Variants in AGO2 observed in about 807,000 individuals in gnomAD.
AGO2 encodes argonaute RISC catalytic component 2.
Under a neutral mutation model 102.3 loss-of-function variants are expected in AGO2, and 5 were observed. That is an observed-to-expected ratio of 0.05 (90% CI 0.03 to 0.10). The LOEUF is 0.10. Among genes scored for constraint, AGO2 ranks in the 10% least tolerant of loss-of-function variants. AGO2 has a pLI of 1.00. For synonymous variants in AGO2, 449 were observed against 473.1 expected, an observed-to-expected ratio of 0.95 and a Z score of 0.66; for missense variants, 541 against 1,183.7, an observed-to-expected ratio of 0.46 and a Z score of 7.97.
chr8:140,607,378 A>G (rs543687775), intron 1 of AGO2, among the ~76,000 whole-genome samples: 111 of 150,360 alleles, frequency 7.4e-4, no homozygotes, highest in African/African-American at 2.6e-3. Flanking sequence ...GTGTGCTATG[A>G]CTGTACCTGT....
chr8:140,565,462 CCAAAAAACAAAAAA>C (rs953381801), intron 3 of AGO2, among the ~76,000 whole-genome samples: 22 of 136,744 alleles, frequency 1.6e-4, no homozygotes, highest in Admixed American at 1.6e-3. Context: ...AACCCAAAAA[CCAAAAAACAAAAAA>C]CAAAAAAATA....
intron 1 of AGO2, among the ~76,000 whole-genome samples, chr8:140,601,774 G>A (rs1243109986): frequency 2.6e-5 from 4 of 152,180 alleles, no homozygotes; most frequent in African/African-American, 9.7e-5. Context: ...TTATTATACT[G>A]TACTTTAAAA....
At chr8:140,639,614 TA>T (rs770478461), upstream of AGO2, among the ~76,000 whole-genome samples, 4 of 144,114 alleles carry the variant, frequency 2.8e-5, no homozygotes, top group African/African-American at 7.6e-5. Context: ...CGCTACAAAA[TA>T]AAAAAAAATT....
chr8:140,636,241 A>C (rs2074407762), upstream of AGO2: 1 of 152,272 alleles, frequency 6.6e-6, no homozygotes. Context: ...GCGGCCCCAG[A>C]ACCCAGATAA....
intron 1 of AGO2, among the ~76,000 whole-genome samples, chr8:140,632,095 G>T (rs929363581): frequency 2.6e-5 from 4 of 152,234 alleles, no homozygotes; most frequent in African/African-American, 7.2e-5. Context: ...AACACACAGA[G>T]AATAAGCCCA....
At chr8:140,584,289 C>T (rs1007839831) in intron 2 of AGO2, among the ~76,000 whole-genome samples, 2 of 152,074 alleles carry the variant, frequency 1.3e-5, no homozygotes, top group Non-Finnish European at 2.9e-5. Flanking sequence ...AATGAGAAAC[C>T]ACTACTCACC....
At chr8:140,595,530 T>A (rs1011881154) in intron 1 of AGO2, among the ~76,000 whole-genome samples, 2 of 147,988 alleles carry the variant, frequency 1.4e-5, no homozygotes, top group African/African-American at 2.5e-5. Flanking sequence ...AGTGGTGCGA[T>A]CATAGGGCTC....
At chr8:140,541,851 C>A (rs756231484) in intron 14 of AGO2, among the ~76,000 whole-genome samples, 9 of 151,642 alleles carry the variant, frequency 5.9e-5, no homozygotes, top group Non-Finnish European at 1.2e-4. Context: ...TACAGTGAGC[C>A]GAGATCACAC....
intron 1 of AGO2, among the ~76,000 whole-genome samples, chr8:140,601,210 C>G (rs918345526): frequency 3.3e-5 from 5 of 152,222 alleles, no homozygotes; most frequent in African/African-American, 1.2e-4. Context: ...TGCGCTCCTG[C>G]CCCAGGGCCT....
intron 1 of AGO2, 135 bp from the exon 2 acceptor site, chr8:140,585,446 A>G: frequency 2.1e-6 from 2 of 941,538 alleles, no homozygotes; most frequent in Non-Finnish European, 3.1e-6. Flanking sequence ...TGCATTCCAC[A>G]GAGGAGGCGT....
upstream of AGO2, among the ~76,000 whole-genome samples, chr8:140,640,341 T>C (rs1368168346): frequency 6.6e-6 from 1 of 151,994 alleles, no homozygotes; most frequent in African/African-American, 2.4e-5. Flanking sequence ...TTTTATTATT[T>C]TTTTTCTTTT....
intron 1 of AGO2, among the ~76,000 whole-genome samples, chr8:140,605,195 A>T (rs2073981511): frequency 6.6e-6 from 1 of 152,160 alleles, no homozygotes; most frequent in Admixed American, 6.5e-5. Context: ...CCCGGGCTCA[A>T]GCAATCTTCC....
intron 1 of AGO2, among the ~76,000 whole-genome samples, chr8:140,628,808 G>A (rs986944917): frequency 5.9e-5 from 9 of 151,666 alleles, no homozygotes; most frequent in Admixed American, 2.0e-4. Context: ...ATAATAGGCC[G>A]GGCGCGGTGG....
the AGO2 span, among the ~76,000 whole-genome samples, chr8:140,642,107 T>G: frequency 6.7e-6 from 1 of 149,848 alleles, no homozygotes; most frequent in Non-Finnish European, 1.5e-5. Flanking sequence ...GAAGAACAAA[T>G]GAAAATAAAG....
Position 140,540,899 on chromosome 8 carries a change from C to T in AGO2, c.2034+265G>A, listed in dbSNP as rs182443167. On this transcript the variant is annotated intron_variant, in intron 15 of 18. Transcript: ENST00000220592. This position sits in a 1 kb window ranked among gnomAD's most constrained non-coding sequence, Gnocchi z 5.0. ...GCTCTGCAAGTCAGCGGAACTCAAG[C>T]GTCTCTCCCCCATCTCTTGGTCCCC... 5.3e-5 allele frequency among the ~76,000 whole-genome samples: 8 copies of T among 152,268 alleles called. No individual in the cohort carries two copies. Among genetic ancestry groups the T allele is most frequent in the East Asian group, 1.9e-4 (1 of 5,162 alleles).
chr8:140,547,845 A>C (rs1445816409), intron 12 of AGO2, among the ~76,000 whole-genome samples: 3 of 152,244 alleles, frequency 2.0e-5, no homozygotes, highest in African/African-American at 7.2e-5. Flanking sequence ...AGACTCCAGC[A>C]CGGCTGTGCC....
rs1425745409 is a variant in AGO2, at chr8:140,535,565, C to T, written c.2174G>A (p.Gly725Glu). ...LFCTDKNERV[G>E]KSGNIPAGTT... The stretch of plus-strand genomic sequence containing the variant: ...GCCTGCTGGAATGTTTCCACTTTTC[C>T]CAACCTTCGGCAACACAGGCATCTC... The change falls in exon 17 of 19, where the codon GGG becomes GAG. Residue 725 changes from glycine to glutamate, a missense_variant. By Grantham distance (98) the Gly-to-Glu change is moderately conservative. Coordinates refer to ENST00000220592, the MANE Select transcript of AGO2 (RefSeq NM_012154.5). The T allele has an allele frequency of 1.2e-6, 2 of 1,614,212 alleles. No individual in the cohort carries two copies. The highest frequency in any genetic ancestry group is 1.7e-6 in the Non-Finnish European group (2 of 1,180,018).
At chr8:140,620,428 T>C (rs961556949) in intron 1 of AGO2, among the ~76,000 whole-genome samples, 2 of 152,192 alleles carry the variant, frequency 1.3e-5, no homozygotes, top group Non-Finnish European at 1.5e-5. Context: ...AGAATATTTA[T>C]GAATGAAATG....
rs1445280844 is a variant in AGO2, at chr8:140,524,422, T to C, written c.*7622A>G. 5 of 152,004 alleles carry C rather than the reference T, an allele frequency of 3.3e-5. No homozygotes were observed. Among genetic ancestry groups the C allele is most frequent in the African/African-American group, 1.2e-4 (5 of 41,356 alleles). The allele number at this position is 152,004 out of a possible 1,614,324, so 9.4% of individuals were successfully genotyped here. ...GAAACCACACGACTGGAACCAAGTG[T>C]TTTCCGCAATGAGACCGAGTGCGTC... On this transcript the variant is annotated 3_prime_UTR_variant, in exon 19 of 19. Coordinates refer to ENST00000220592, the MANE Select transcript of AGO2 (RefSeq NM_012154.5).
Sources: gnomAD v4.1 joint callset for allele counts (sites outside exome capture counted in the v4.1 genomes callset) on GRCh38, gnomAD v4.1.1 for gene constraint, Gnocchi (gnomAD v3.1) non-coding constraint, MANE v1.5 for transcripts, NCBI Gene and HGNC (gene_info 2026-07-23, HGNC 2026-07-21) for gene names.